Variants in SIM2 observed in about 807,000 individuals in gnomAD.
SIM2 encodes the protein single-minded homolog 2.
A neutral mutation model predicts 64.8 loss-of-function variants in SIM2; 28 were observed. That is an observed-to-expected ratio of 0.43 (90% CI 0.32 to 0.59). The LOEUF (loss-of-function observed/expected upper bound fraction) is 0.59. Among genes scored for constraint, SIM2 ranks in the 20% least tolerant of loss-of-function variants. The pLI is 0.07. For synonymous variants in SIM2, 408 were observed against 391.1 expected (o/e 1.04, Z -0.51); for missense variants, 847 against 871.4 (o/e 0.97, Z 0.35).
intron 7 of SIM2, among the ~76,000 whole-genome samples, chr21:36,734,700 C>G (rs2089019455): frequency 6.6e-6 from 1 of 152,180 alleles, no homozygotes; most frequent in Non-Finnish European, 1.5e-5. Context: ...TCAGAGCACT[C>G]AACTGGAATG....
At chr21:36,713,599 T>G (rs574970016) in intron 3 of SIM2, among the ~76,000 whole-genome samples, 1 of 152,336 alleles carries the variant, frequency 6.6e-6, no homozygotes, top group East Asian at 1.9e-4. Context: ...CATATTGAAT[T>G]TGAATTACAC....
At chr21:36,733,596 G>A (rs1316520741) in intron 7 of SIM2, among the ~76,000 whole-genome samples, 1 of 142,132 alleles carries the variant, frequency 7.0e-6, no homozygotes, top group Non-Finnish European at 1.5e-5. Context: ...GTCTTGCTCT[G>A]TCACCCAAGC....
chr21:36,699,427 A>C lies in SIM2; in HGVS notation c.-320A>C. ...CGCCGGCCGCCCCCACCCCCCAGGA[A>C]GGCCGAGGCAGGAGAGGCAGGAGGG... On this transcript the variant is annotated 5_prime_UTR_variant, in exon 1 of 11. Transcript: ENST00000290399. The surrounding 1 kb of genome is among the most constrained non-coding windows in gnomAD (Gnocchi z 5.6). The C allele has an allele frequency of 5.5e-6, 1 of 180,746 alleles. No individual in the cohort carries two copies. 11.2% of individuals were successfully genotyped at this position (180,746 alleles called of 1,614,324 possible).
chr21:36,743,258 A>G (rs2089186778), intron 8 of SIM2, 129 bp from the exon 9 acceptor site: 5 of 809,416 alleles, frequency 6.2e-6, no homozygotes, highest in African/African-American at 3.5e-5. Context: ...CTCAAATCCC[A>G]TCCACATCCA....
chr21:36,706,402 G>C (rs1234030906), intron 1 of SIM2, among the ~76,000 whole-genome samples: 2 of 152,092 alleles, frequency 1.3e-5, no homozygotes, highest in Middle Eastern at 6.3e-3. Flanking sequence ...CCACCCCTCC[G>C]GCAGGAAACC....
chr21:36,719,527 T>A (rs2123450192), intron 3 of SIM2, among the ~76,000 whole-genome samples: 1 of 152,256 alleles, frequency 6.6e-6, no homozygotes, highest in Non-Finnish European at 1.5e-5. Flanking sequence ...GCCGCCCACC[T>A]CTGGTGCCCA....
At position 36,745,427 on chromosome 21, in the gene SIM2, A is replaced by AG. The variant is rs2089217777; in HGVS notation, c.1576+296dup. 7.8e-7 allele frequency: 1 copy of AG among 1,286,162 alleles called. No individual in the cohort carries two copies. Among genetic ancestry groups the AG allele is most frequent in the Non-Finnish European group, 1.0e-6 (1 of 1,002,016 alleles). The allele number at this position is 1,286,162 out of a possible 1,614,324, so 79.7% of individuals were successfully genotyped here. On this transcript the variant is annotated intron_variant, in intron 10 of 10. Coordinates refer to ENST00000290399, the MANE Select transcript of SIM2 (RefSeq NM_005069.6). The surrounding 1 kb of genome is among the most constrained non-coding windows in gnomAD (Gnocchi z 4.8). ...AATCCTGGCCACATTCACCAACCAA[A>AG]GGGGGACAGTGATTTTCAAAACCAG...
chr21:36,731,167 AC>A lies in SIM2; in HGVS notation c.850+20del, dbSNP rs1294203041. On this transcript the variant is annotated intron_variant, in intron 7 of 10. Transcript: ENST00000290399. The stretch of plus-strand genomic sequence containing the variant: ...CACCACCTCCGTGAGTAGCACGCCC[AC>A]CCCAGCCACGGGAGGTAGCTGGTCA... 1 of 1,600,446 alleles carries A rather than the reference AC, an allele frequency of 6.2e-7. No individual in the cohort carries two copies. Among genetic ancestry groups the A allele is most frequent in the Non-Finnish European group, 8.5e-7 (1 of 1,169,806 alleles).
intron 7 of SIM2, among the ~76,000 whole-genome samples, chr21:36,735,920 C>T (rs781401290): frequency 1.3e-5 from 2 of 152,316 alleles, no homozygotes; most frequent in South Asian, 2.1e-4. Flanking sequence ...GGCTCAGGGC[C>T]TGGCTTGAGG....
chr21:36,741,663 C>T (rs1004300752), intron 7 of SIM2, 54 bp from the exon 8 acceptor site: 7 of 1,596,720 alleles, frequency 4.4e-6, no homozygotes, highest in Non-Finnish European at 6.0e-6. Context: ...GGGCAGCATC[C>T]CAGAGGTGGG....
chr21:36,728,554 C>A (rs910315533), intron 6 of SIM2, among the ~76,000 whole-genome samples: 3 of 152,238 alleles, frequency 2.0e-5, no homozygotes, highest in Non-Finnish European at 4.4e-5. Context: ...CCTGCCTCTC[C>A]CAGATCTCTG....
chr21:36,713,288 C>T (rs1375838861), intron 3 of SIM2, among the ~76,000 whole-genome samples: 3 of 152,102 alleles, frequency 2.0e-5, no homozygotes, highest in Non-Finnish European at 4.4e-5. Flanking sequence ...AAAAGTCCAC[C>T]GTTTCCTTAG....
Position 36,726,272 on chromosome 21 carries a change from A to G in SIM2, c.697A>G (p.Met233Val). 2.5e-6 allele frequency: 4 copies of G among 1,613,766 alleles called. No individual in the cohort carries two copies. The highest frequency in any genetic ancestry group is 3.4e-6 in the Non-Finnish European group (4 of 1,180,032). The change falls in exon 6 of 11, where the codon ATG becomes GTG. Residue 233 changes from methionine (M) to valine (V), a missense_variant. Met to Val is a conservative substitution (Grantham distance 21, BLOSUM62 1). Around this residue, in one of 3 missense-constraint regions of SIM2, gnomAD observed 397 missense variants for 439.2 expected, o/e 0.90. Transcript: ENST00000290399. This position sits in a 1 kb window ranked among gnomAD's most constrained non-coding sequence, Gnocchi z 4.5. ...GATCAAGCTGTACAGTAACATGTTC[A>G]TGTTCAGGGCCAGCCTTGACCTGAA... Reference protein sequence around the residue: ...TEIKLYSNMFMFRASLDLKLI... With the variant: ...TEIKLYSNMFVFRASLDLKLI...
rs1042489655 is a variant in SIM2, at chr21:36,747,558, T to C, written c.1577-107T>C. ...GGGAGGGCGACAGCGACCCCGCGGG[T>C]GCAGCGCGTGGGCGGCCGAGGGGTG... On this transcript the variant is annotated intron_variant, in intron 10 of 10. Transcript: ENST00000290399. The surrounding 1 kb of genome is among the most constrained non-coding windows in gnomAD (Gnocchi z 4.5). 3.1e-5 allele frequency: 22 copies of C among 713,394 alleles called. No homozygotes were observed. The highest frequency in any genetic ancestry group is 2.2e-4 in the Admixed American group (4 of 17,840). The allele number at this position is 713,394 out of a possible 1,614,324, so 44.2% of individuals were successfully genotyped here. A position where few individuals can be genotyped will look rare whatever the true frequency, so the allele number is the denominator to read the frequency against.
intron 6 of SIM2, among the ~76,000 whole-genome samples, chr21:36,729,840 A>T (rs1234471465): frequency 6.6e-6 from 1 of 152,214 alleles, no homozygotes; most frequent in Non-Finnish European, 1.5e-5. Context: ...CTACGGCCAG[A>T]GCGATCCTGA....
In SIM2 at chr21:36,726,369, G is replaced by T. The variant is rs1351632912; in HGVS notation, c.743+51G>T. 2 of 1,507,256 alleles carry T rather than the reference G, an allele frequency of 1.3e-6. No homozygotes were observed. The highest frequency in any genetic ancestry group is 1.8e-6 in the Non-Finnish European group (2 of 1,100,738). 93.4% of individuals were successfully genotyped at this position (1,507,256 alleles called of 1,614,324 possible). A position where few individuals can be genotyped will look rare whatever the true frequency, so the allele number is the denominator to read the frequency against. ...CTGTGGCCTTCTGGAAGACACCGGT[G>T]GTGGAAATGGGTCCCTGAAAGCTGC... On this transcript the variant is annotated intron_variant, in intron 6 of 10. Coordinates refer to ENST00000290399, the MANE Select transcript of SIM2 (RefSeq NM_005069.6). This position sits in a 1 kb window ranked among gnomAD's most constrained non-coding sequence, Gnocchi z 4.5.
At chr21:36,713,977 T>C (rs1483222740) in intron 3 of SIM2, among the ~76,000 whole-genome samples, 5 of 152,254 alleles carry the variant, frequency 3.3e-5, no homozygotes, top group Non-Finnish European at 2.9e-5. Context: ...ACTCGTGGGA[T>C]TAGTGTACTT....
rs1027324203 is a variant in SIM2 at position 36,749,067 on chromosome 21, A to G, written c.*975A>G. 1 of 152,684 alleles carries G rather than the reference A, an allele frequency of 6.5e-6. No individual in the cohort carries two copies. The highest frequency in any genetic ancestry group is 1.5e-5 in the Non-Finnish European group (1 of 68,044). The allele number at this position is 152,684 out of a possible 1,614,324, so 9.5% of individuals were successfully genotyped here. A position where few individuals can be genotyped will look rare whatever the true frequency, so the allele number is the denominator to read the frequency against. On this transcript the variant is annotated 3_prime_UTR_variant, in exon 11 of 11. Transcript: ENST00000290399. ...GGGGTGTAATGAAAATGATGTAGACATTTTAAGCATTTTCTACACAGCGAG... is the reference window on the plus strand; with the variant it reads ...GGGGTGTAATGAAAATGATGTAGACGTTTTAAGCATTTTCTACACAGCGAG...
At position 36,709,168 on chromosome 21, in the gene SIM2, G is replaced by A. The variant is rs1359116083; in HGVS notation, c.176G>A (p.Gly59Asp). Residue 59 changes from glycine to aspartate, a missense_variant and splice_region_variant, in exon 2 of 11, where the codon GGT (glycine) becomes GAT (aspartate). Physicochemically the swap from Gly to Asp is moderately conservative, Grantham distance 94 (BLOSUM62 -1). Transcript: ENST00000290399. ...YLKMRAVFPE[G>D]LGDAWGQPSR... The stretch of plus-strand genomic sequence containing the variant: ...CGATTTGCTTTCGTCCCTCGTCCAG[G>A]TTTAGGAGACGCGTGGGGACAGCCG... 1.2e-6 allele frequency: 2 copies of A among 1,608,310 alleles called. No individual in the cohort carries two copies. Among genetic ancestry groups the A allele is most frequent in the African/African-American group, 2.7e-5 (2 of 74,832 alleles).
Sources: allele counts gnomAD v4.1 joint callset (sites outside exome capture counted in the v4.1 genomes callset), GRCh38; gene constraint gnomAD v4.1.1; regional missense constraint gnomAD v4.1.1; non-coding constraint Gnocchi (gnomAD v3.1); transcripts MANE v1.5; gene names NCBI Gene and HGNC (gene_info 2026-07-23, HGNC 2026-07-21).